Variants in NUP43 observed in about 807,000 individuals in gnomAD.
NUP43 encodes nucleoporin Nup43.
Under a neutral mutation model 47.3 loss-of-function variants are expected in NUP43, and 32 were observed. That is an observed-to-expected ratio of 0.68 (90% CI 0.51 to 0.91). The LOEUF (loss-of-function observed/expected upper bound fraction) is 0.91. Ranked by LOEUF, NUP43 falls within the 40% of genes least tolerant of loss-of-function variation. NUP43 has a pLI of 0.00. For synonymous variants in NUP43, 147 were observed against 158.4 expected (o/e 0.93, Z 0.54); for missense variants, 444 against 453.9 (o/e 0.98, Z 0.20).
At chr6:149,728,426 AT>A in intron 7 of NUP43, 1 of 984,912 alleles carries the variant, frequency 1.0e-6, no homozygotes, top group Non-Finnish European at 1.2e-6. Flanking sequence ...AGATGAAGTT[AT>A]AGCATGGACA....
chr6:149,728,096 C>T, intron 7 of NUP43: 1 of 985,396 alleles, frequency 1.0e-6, no homozygotes, highest in Non-Finnish European at 1.2e-6. Context: ...TTTTCTCTTT[C>T]CTTGAACCCT....
At chr6:149,730,761 T>G (rs558748065) in intron 7 of NUP43, among the ~76,000 whole-genome samples, 1 of 151,276 alleles carries the variant, frequency 6.6e-6, no homozygotes, top group East Asian at 1.9e-4. Context: ...TGAGAGCTCA[T>G]CTCTACAAAA....
In NUP43 at chr6:149,728,291, C is replaced by G. The variant is rs1208170843; in HGVS notation, c.914-1093G>C. 3.0e-6 allele frequency: 3 copies of G among 984,054 alleles called. No homozygotes were observed. In the African/African-American group the frequency reaches 5.2e-5, roughly 17 times the overall value. 61.0% of individuals were successfully genotyped at this position (984,054 alleles called of 1,614,324 possible). A position where few individuals can be genotyped will look rare whatever the true frequency, so the allele number is the denominator to read the frequency against. ...GTAGACACAGAATAAAGTTTTATTT[C>G]CAGTCTAACCAAGGTTCCTTAAAAG... On this transcript the variant is annotated intron_variant, in intron 7 of 7. Transcript: ENST00000340413.
chr6:149,727,226 T>C, intron 7 of NUP43, 28 bp from the exon 8 acceptor site: 1 of 1,595,426 alleles, frequency 6.3e-7, no homozygotes, highest in Non-Finnish European at 8.6e-7. Flanking sequence ...AAGGAAGAAA[T>C]CTTTCAAGAT....
intron 5 of NUP43, among the ~76,000 whole-genome samples, 195 bp from the exon 6 acceptor site, chr6:149,736,817 T>C (rs1235897839): frequency 6.6e-6 from 1 of 152,126 alleles, no homozygotes; most frequent in Non-Finnish European, 1.5e-5. Flanking sequence ...GCCTCCTGAG[T>C]TGCTGGGAGT....
At position 149,725,060 on chromosome 6, in the gene NUP43, C is replaced by T. The variant is rs1455185551; in HGVS notation, c.*1909G>A. 1 of 152,192 alleles carries T rather than the reference C, an allele frequency of 6.6e-6. No individual in the cohort carries two copies. The allele number at this position is 152,192 out of a possible 1,614,324, so 9.4% of individuals were successfully genotyped here. A position where few individuals can be genotyped will look rare whatever the true frequency, so the allele number is the denominator to read the frequency against. ...CATGAATAAAGGCAGTGACAATGAA[C>T]AAATTCATAAATTACGGTGTTACAT... On this transcript the variant is annotated 3_prime_UTR_variant, in exon 8 of 8. Coordinates refer to ENST00000340413, the MANE Select transcript of NUP43 (RefSeq NM_198887.3).
chr6:149,743,363 G>C (rs1785771434), intron 3 of NUP43, among the ~76,000 whole-genome samples: 1 of 152,060 alleles, frequency 6.6e-6, no homozygotes, highest in Non-Finnish European at 1.5e-5. Context: ...ACTTTGGGAG[G>C]CCGAAGAGGG....
At chr6:149,745,796 T>C in intron 2 of NUP43, 144 bp downstream of exon 2, 1 of 603,670 alleles carries the variant, frequency 1.7e-6, no homozygotes, top group Non-Finnish European at 2.7e-6. Flanking sequence ...AATGGCTAAA[T>C]GATGTTGGGC....
chr6:149,734,338 A>G (rs1274617132), intron 6 of NUP43, among the ~76,000 whole-genome samples: 1 of 151,468 alleles, frequency 6.6e-6, no homozygotes, highest in African/African-American at 2.4e-5. Flanking sequence ...TCTCTACAAA[A>G]AATAAAAAAT....
At chr6:149,743,543 C>T (rs949374015) in intron 3 of NUP43, 95 bp downstream of exon 3, 4 of 711,696 alleles carry the variant, frequency 5.6e-6, no homozygotes, top group African/African-American at 3.6e-5. Flanking sequence ...TGCGGTGAGC[C>T]GAGACTGCGC....
intron 4 of NUP43, among the ~76,000 whole-genome samples, chr6:149,739,599 CT>C (rs1785543945): frequency 6.6e-6 from 1 of 152,094 alleles, no homozygotes; most frequent in Non-Finnish European, 1.5e-5. Context: ...GAACTGTTTT[CT>C]AAATGGAAGG....
At chr6:149,732,841 G>A (rs555989606) in intron 6 of NUP43, among the ~76,000 whole-genome samples, 10 of 151,906 alleles carry the variant, frequency 6.6e-5, no homozygotes, top group East Asian at 3.9e-4. Flanking sequence ...GCAAAACTAC[G>A]TCTCAAAAAA....
At chr6:149,740,190 C>T (rs146821071) in intron 4 of NUP43, among the ~76,000 whole-genome samples, 2 of 146,244 alleles carry the variant, frequency 1.4e-5, no homozygotes, top group African/African-American at 2.6e-5. Context: ...GTGGGAGGAT[C>T]GCTTGAACCT....
At chr6:149,737,579 T>C (rs1280052409) in intron 5 of NUP43, among the ~76,000 whole-genome samples, 1 of 152,076 alleles carries the variant, frequency 6.6e-6, no homozygotes, top group Admixed American at 6.5e-5. Flanking sequence ...ACATGTTTTA[T>C]ATGGTAACTA....
Position 149,742,454 on chromosome 6 carries a change from T to G in NUP43, c.438A>C (p.Thr146=). Residue 146 remains threonine (T), a synonymous_variant, in exon 4 of 8, where the codon ACA becomes ACC. Transcript: ENST00000340413. ...GATTTATTCGACCATCCTCTCCAAC[T>G]GTAACGATTTCTGGGTTGTTGCACA... ...GVVCNNPEIV[T]VGEDGRINLF... The G allele has an allele frequency of 1.2e-6, 2 of 1,614,238 alleles. No homozygotes were observed. Among genetic ancestry groups the G allele is most frequent in the Non-Finnish European group, 1.7e-6 (2 of 1,180,034 alleles).
chr6:149,742,402 C>T lies in NUP43; in HGVS notation c.490G>A (p.Val164Ile), dbSNP rs768915109. ...GGATTTTTCTTACCTATGGTTCTTA[C>T]AGCTTCCTTGTGATCAGCTCTGAAG... ...NLFRADHKEA[V>I]RTIDNADSST... Residue 164 changes from valine (V) to isoleucine (I), a missense_variant, in exon 4 of 8, where the codon GTA (valine) becomes ATA (isoleucine). Physicochemically the swap from Val to Ile is conservative, Grantham distance 29 (BLOSUM62 3). Transcript: ENST00000340413. The T allele has an allele frequency of 1.9e-6, 3 of 1,613,962 alleles. No individual in the cohort carries two copies. The highest frequency in any genetic ancestry group is 2.5e-6 in the Non-Finnish European group (3 of 1,179,848).
chr6:149,728,051 C>CT (rs1323339572), intron 7 of NUP43: 2 of 985,276 alleles, frequency 2.0e-6, no homozygotes, highest in Non-Finnish European at 2.4e-6. Context: ...ACTTCCTTCT[C>CT]TAAGAAAACT....
chr6:149,743,845 GAAATA>G, intron 2 of NUP43, 130 bp from the exon 3 acceptor site: 1 of 571,996 alleles, frequency 1.7e-6, no homozygotes, highest in African/African-American at 1.9e-5. Context: ...GAGTGCTAAG[GAAATA>G]AAATGTGTTA....
chr6:149,726,591 G>A lies in NUP43; in HGVS notation c.*378C>T, dbSNP rs1582954488. 4.0e-6 allele frequency: 1 copy of A among 249,422 alleles called. No individual in the cohort carries two copies. Among genetic ancestry groups the A allele is most frequent in the African/African-American group, 2.2e-5 (1 of 44,850 alleles). The allele number at this position is 249,422 out of a possible 1,614,324, so 15.5% of individuals were successfully genotyped here. ...GAAGGTGTATATGCCACATACTACT[G>A]ATAAAAATTGTAGGAACCCATTGGT... On this transcript the variant is annotated 3_prime_UTR_variant, in exon 8 of 8. Coordinates refer to ENST00000340413, the MANE Select transcript of NUP43 (RefSeq NM_198887.3).
Sources: allele counts gnomAD v4.1 joint callset (sites outside exome capture counted in the v4.1 genomes callset), GRCh38; gene constraint gnomAD v4.1.1; transcripts MANE v1.5; gene names NCBI Gene and HGNC (gene_info 2026-07-23, HGNC 2026-07-21).